GNAT3: variants seen among roughly 807,000 people sequenced by gnomAD.
GNAT3 encodes G protein subunit alpha transducin 3.
GNAT3 carries 31 observed loss-of-function variants against 37.7 expected under a neutral mutation model. That is an observed-to-expected ratio of 0.82 (90% confidence interval 0.62 to 1.11). The LOEUF is 1.11. Ranked by LOEUF, GNAT3 falls within the 50% of genes most tolerant of loss-of-function variation. The pLI is 0.00. For synonymous variants in GNAT3, 138 were observed against 139.8 expected, an observed-to-expected ratio of 0.99 and a Z score of 0.09; for missense variants, 437 against 412.5, an observed-to-expected ratio of 1.06 and a Z score of -0.51.
chr7:80,498,516 T>A (rs1040766895), intron 1 of GNAT3, among the ~76,000 whole-genome samples: 1 of 152,178 alleles, frequency 6.6e-6, no homozygotes, highest in Non-Finnish European at 1.5e-5. Flanking sequence ...CCTATCTACT[T>A]AAAATCTCAT....
rs147281779 is a variant in GNAT3, at chr7:80,499,173, C to T, written c.119-4526G>A. Among the ~76,000 whole-genome samples, 1,466 of 152,006 alleles carry T rather than the reference C, an allele frequency of 9.6e-3. 17 individuals carry two copies. The highest frequency in any genetic ancestry group is 0.051 in the Middle Eastern group (15 of 294). ...GCTATGCACATCTCTTCAGTCTATG[C>T]GTGAGAAAAATGAATCCAATAGAGA... On this transcript the variant is annotated intron_variant, in intron 1 of 7. Transcript: ENST00000398291.
chr7:80,462,682 T>C (rs1790071442), intron 5 of GNAT3, 51 bp from the exon 6 acceptor site: 22 of 1,493,600 alleles, frequency 1.5e-5, no homozygotes, highest in Non-Finnish European at 1.9e-5. Context: ...TCCTCCAAAA[T>C]GTGCATTGAG....
At chr7:80,484,097 A>G (rs1790436480) in intron 3 of GNAT3, among the ~76,000 whole-genome samples, 1 of 152,052 alleles carries the variant, frequency 6.6e-6, no homozygotes, top group South Asian at 2.1e-4. Context: ...TTCTCTTAAG[A>G]TTGTGTAACT....
rs111299950 is a variant in GNAT3, at chr7:80,505,466, A to G, written c.118+6343T>C. On this transcript the variant is annotated intron_variant, in intron 1 of 7. Coordinates refer to ENST00000398291, the MANE Select transcript of GNAT3 (RefSeq NM_001102386.3). ...ACTGCAAGCTCCGCCTCCCGGGTTC[A>G]CGCCATTCTCCTGCCTCAGCCTCCC... Among the ~76,000 whole-genome samples the G allele has an allele frequency of 9.8e-3, 1,498 of 152,274 alleles. 23 individuals carry two copies. Among genetic ancestry groups the G allele is most frequent in the African/African-American group, 0.034 (1,433 of 41,556 alleles).
At chr7:80,510,544 C>G (rs1167779322) in intron 1 of GNAT3, among the ~76,000 whole-genome samples, 1 of 152,134 alleles carries the variant, frequency 6.6e-6, no homozygotes, top group Non-Finnish European at 1.5e-5. Context: ...ATTACTTTCA[C>G]TCTTGCTCAG....
At chr7:80,497,629 C>CGTATATGT (rs1562732973) in intron 1 of GNAT3, among the ~76,000 whole-genome samples, 1 of 116,264 alleles carries the variant, frequency 8.6e-6, no homozygotes, top group Non-Finnish European at 1.7e-5. Context: ...TACGTATATA[C>CGTATATGT]ATATACGTAT....
At chr7:80,499,447 T>G (rs1170025199) in intron 1 of GNAT3, among the ~76,000 whole-genome samples, 1 of 152,038 alleles carries the variant, frequency 6.6e-6, no homozygotes, top group Non-Finnish European at 1.5e-5. Flanking sequence ...TGCAGTAGCA[T>G]GATCATGACT....
chr7:80,474,470 T>C, intron 4 of GNAT3, 91 bp from the exon 5 acceptor site: 3 of 518,200 alleles, frequency 5.8e-6, no homozygotes, highest in Non-Finnish European at 9.8e-6. Flanking sequence ...TACATATATA[T>C]GTGTGTGTAT....
At chr7:80,505,944 G>A (rs1301708681) in intron 1 of GNAT3, among the ~76,000 whole-genome samples, 1 of 152,076 alleles carries the variant, frequency 6.6e-6, no homozygotes, top group Non-Finnish European at 1.5e-5. Context: ...AATTACTTTT[G>A]CACGAACCTA....
intron 1 of GNAT3, among the ~76,000 whole-genome samples, chr7:80,511,567 T>C (rs1359089392): frequency 1.3e-5 from 2 of 152,140 alleles, no homozygotes; most frequent in East Asian, 1.9e-4. Context: ...ACCATATTAC[T>C]GACAGAGAAA....
At chr7:80,462,337 G>T in intron 6 of GNAT3, 25 bp from the exon 7 acceptor site, 1 of 1,603,942 alleles carries the variant, frequency 6.2e-7, no homozygotes, top group South Asian at 1.1e-5. Context: ...AAATGAGAAT[G>T]GGTAGGATTA....
At chr7:80,487,265 A>G (rs1412243732) in intron 3 of GNAT3, among the ~76,000 whole-genome samples, 1 of 152,168 alleles carries the variant, frequency 6.6e-6, no homozygotes, top group African/African-American at 2.4e-5. Flanking sequence ...AGTCAGAGAG[A>G]GATAAAGAAT....
At chr7:80,471,125 C>T (rs907388185) in intron 5 of GNAT3, among the ~76,000 whole-genome samples, 25 of 150,012 alleles carry the variant, frequency 1.7e-4, no homozygotes, top group African/African-American at 5.9e-4. Context: ...GATGTGGTGG[C>T]AGTACCAGCT....
At chr7:80,497,902 A>G (rs1790764092) in intron 1 of GNAT3, among the ~76,000 whole-genome samples, 1 of 152,034 alleles carries the variant, frequency 6.6e-6, no homozygotes, top group South Asian at 2.1e-4. Context: ...AATAATTTAG[A>G]CCACTTTCTT....
rs535433092 is a variant in GNAT3, at chr7:80,468,651, G to A, written c.590+5600C>T. On this transcript the variant is annotated intron_variant, in intron 5 of 7. Transcript: ENST00000398291. ...AAATGGTCTAACCAATCTTTCCCTT[G>A]TTTCTGGTCTTGAAAACAGAGAATG... is the stretch of plus-strand genomic sequence containing the variant. Among the ~76,000 whole-genome samples the A allele has an allele frequency of 3.3e-5, 5 of 152,114 alleles. No homozygotes were observed. The South Asian group carries it at 1.0e-3, about 32-fold the overall frequency.
At chr7:80,497,636 G>GTATATACATATACA (rs1790754358) in intron 1 of GNAT3, among the ~76,000 whole-genome samples, 1 of 104,926 alleles carries the variant, frequency 9.5e-6, no homozygotes, top group African/African-American at 4.8e-5. Context: ...ATACATATAC[G>GTATATACATATACA]TATATACATA....
chr7:80,506,437 T>C (rs1021516613), intron 1 of GNAT3, among the ~76,000 whole-genome samples: 2 of 152,208 alleles, frequency 1.3e-5, no homozygotes, highest in African/African-American at 4.8e-5. Flanking sequence ...TATTTGTCTA[T>C]GTGCTTTTGC....
intron 7 of GNAT3, 44 bp downstream of exon 7, chr7:80,462,115 A>G (rs1790060147): frequency 8.3e-7 from 1 of 1,205,152 alleles, no homozygotes; most frequent in Admixed American, 2.5e-5. Context: ...ATATATATTT[A>G]TACAAAAATT....
Position 80,469,215 on chromosome 7 carries a change from A to G in GNAT3, c.590+5036T>C, listed in dbSNP as rs1252912338. Among the ~76,000 whole-genome samples, 5 of 152,260 alleles carry G rather than the reference A, an allele frequency of 3.3e-5. No individual in the cohort carries two copies. In the South Asian group the frequency reaches 8.3e-4, roughly 25 times the overall value. On this transcript the variant is annotated intron_variant, in intron 5 of 7. Coordinates refer to ENST00000398291, the MANE Select transcript of GNAT3 (RefSeq NM_001102386.3). Reference sequence around the variant, plus strand: ...TAGATCTGCTCAAACATTCTTATAAACAGTTATGGTAATTTATGAAATCTA... The same window carrying G: ...TAGATCTGCTCAAACATTCTTATAAGCAGTTATGGTAATTTATGAAATCTA...
Sources: gnomAD v4.1 joint callset for allele counts (sites outside exome capture counted in the v4.1 genomes callset) on GRCh38, gnomAD v4.1.1 for gene constraint, MANE v1.5 for transcripts, NCBI Gene and HGNC (gene_info 2026-07-23, HGNC 2026-07-21) for gene names.